RAD23B: variants seen among roughly 807,000 people sequenced by gnomAD.
RAD23B encodes RAD23 nucleotide excision repair protein B, also known as lysine-specific demethylase RAD23B.
In RAD23B, 5 loss-of-function variants were observed where a neutral mutation model predicts 49.1. That is an observed-to-expected ratio of 0.10 (90% CI 0.05 to 0.21). The LOEUF (loss-of-function observed/expected upper bound fraction) is 0.21, where lower values mean the gene tolerates loss of function less well. RAD23B is among the 10% of genes least tolerant of loss of function. The probability of loss-of-function intolerance (pLI) is 1.00; values close to 1 mark genes in which losing one functional copy is unlikely to be tolerated. For missense variants in RAD23B, 356 were observed against 486.7 expected (o/e 0.73, Z 2.53); for synonymous variants, 184 against 165.4 (o/e 1.11, Z -0.86).
At chr9:107,321,808 C>T (rs1464041657) in intron 6 of RAD23B, among the ~76,000 whole-genome samples, 175 bp from the exon 7 acceptor site, 4 of 152,182 alleles carry the variant, frequency 2.6e-5, no homozygotes, top group Admixed American at 1.3e-4. Context: ...CAGGTCATTT[C>T]TAATCTAATT....
chr9:107,324,785 A>C, intron 8 of RAD23B, 49 bp from the exon 9 acceptor site: 1 of 1,474,462 alleles, frequency 6.8e-7, no homozygotes, highest in Non-Finnish European at 9.1e-7. Flanking sequence ...GTTCCTGCAG[A>C]TACTTAATAT....
intron 3 of RAD23B, among the ~76,000 whole-genome samples, chr9:107,302,431 A>T (rs1415319134): frequency 3.3e-5 from 5 of 152,174 alleles, no homozygotes; most frequent in Non-Finnish European, 7.4e-5. Flanking sequence ...TGTCTTTATA[A>T]GTGGAATAAA....
intron 5 of RAD23B, among the ~76,000 whole-genome samples, chr9:107,313,983 C>A (rs941925665): frequency 1.3e-5 from 2 of 151,722 alleles, no homozygotes; most frequent in African/African-American, 4.8e-5. Flanking sequence ...TCCACAGTTA[C>A]TAATGACTCT....
intron 1 of RAD23B, chr9:107,283,979 A>T: frequency 1.8e-6 from 2 of 1,113,368 alleles, no homozygotes; most frequent in Non-Finnish European, 2.2e-6. Flanking sequence ...AGCTCGTGCT[A>T]GCGGGGCCGG....
chr9:107,290,086 A>C (rs1833350593), intron 1 of RAD23B, among the ~76,000 whole-genome samples: 1 of 152,190 alleles, frequency 6.6e-6, no homozygotes, highest in Admixed American at 6.5e-5. Context: ...CTGCCACAGG[A>C]TGCTTTCATA....
chr9:107,308,132 A>C (rs1826816789), intron 4 of RAD23B, among the ~76,000 whole-genome samples: 3 of 151,692 alleles, frequency 2.0e-5, no homozygotes, highest in African/African-American at 4.9e-5. Context: ...AAAAAAAAAA[A>C]GCTTACAGTG....
intron 1 of RAD23B, among the ~76,000 whole-genome samples, chr9:107,286,798 TGTG>T (rs1438015190): frequency 6.6e-6 from 1 of 152,022 alleles, no homozygotes; most frequent in East Asian, 1.9e-4. Flanking sequence ...TTAGGCTGGG[TGTG>T]GTGGCTCATG....
chr9:107,292,457 G>T (rs965139894), intron 1 of RAD23B, among the ~76,000 whole-genome samples: 11 of 152,076 alleles, frequency 7.2e-5, no homozygotes, highest in African/African-American at 2.2e-4. Context: ...GAGGTGGGCG[G>T]ATCACGAGGT....
chr9:107,301,654 C>A (rs137920738), intron 2 of RAD23B, among the ~76,000 whole-genome samples: 1,757 of 152,260 alleles, frequency 0.012, 26 homozygotes, highest in African/African-American at 0.039. Context: ...CCTCCTGCCT[C>A]AGCCTCCCAA....
At chr9:107,326,315 T>TA (rs201748139) in intron 9 of RAD23B, among the ~76,000 whole-genome samples, 8,921 of 151,622 alleles carry the variant, frequency 0.059, 377 homozygotes, top group South Asian at 0.12. Context: ...CCGTCTCTAC[T>TA]AAAAATACAA....
chr9:107,329,032 G>T (rs1391377498), intron 9 of RAD23B, among the ~76,000 whole-genome samples: 2 of 152,136 alleles, frequency 1.3e-5, no homozygotes, highest in African/African-American at 2.4e-5. Flanking sequence ...AAAGCAAGGA[G>T]ATTGAGAGTG....
intron 5 of RAD23B, among the ~76,000 whole-genome samples, chr9:107,312,414 A>G (rs1375004677): frequency 6.6e-6 from 1 of 152,196 alleles, no homozygotes; most frequent in African/African-American, 2.4e-5. Flanking sequence ...GGTGCAGTAC[A>G]GGCTTCTGGA....
At chr9:107,301,969 TG>T in intron 2 of RAD23B, 65 bp from the exon 3 acceptor site, 1 of 1,560,496 alleles carries the variant, frequency 6.4e-7, no homozygotes, top group Non-Finnish European at 8.6e-7. Flanking sequence ...AGTAGAAAGT[TG>T]TTTTAACTGA....
At chr9:107,328,480 A>T (rs1305712950) in intron 9 of RAD23B, among the ~76,000 whole-genome samples, 1 of 152,184 alleles carries the variant, frequency 6.6e-6, no homozygotes, top group African/African-American at 2.4e-5. Context: ...TTAGGCTATC[A>T]TACGGAGCAC....
intron 1 of RAD23B, among the ~76,000 whole-genome samples, chr9:107,285,949 T>G (rs1447133207): frequency 6.6e-6 from 1 of 152,180 alleles, no homozygotes; most frequent in Non-Finnish European, 1.5e-5. Context: ...AGAATTCCAG[T>G]AAGAAAATAA....
At chr9:107,302,141 C>G (rs1288955567) in intron 3 of RAD23B, 27 bp downstream of exon 3, 2 of 1,609,512 alleles carry the variant, frequency 1.2e-6, no homozygotes, top group Admixed American at 1.7e-5. Flanking sequence ...TTCTGTATAT[C>G]TTTATGCATG....
At chr9:107,313,156 C>G (rs7023656) in intron 5 of RAD23B, among the ~76,000 whole-genome samples, 1 of 152,046 alleles carries the variant, frequency 6.6e-6, no homozygotes, top group East Asian at 1.9e-4. Context: ...TGATCCATAC[C>G]TCAGGCTCTT....
At chr9:107,322,411 A>T (rs1269629891) in intron 7 of RAD23B, among the ~76,000 whole-genome samples, 1 of 152,242 alleles carries the variant, frequency 6.6e-6, no homozygotes, top group East Asian at 1.9e-4. Context: ...TTACTTTCTG[A>T]TGCCATTCAG....
intron 1 of RAD23B, among the ~76,000 whole-genome samples, chr9:107,291,317 G>T (rs1833380860): frequency 6.6e-6 from 1 of 152,118 alleles, no homozygotes; most frequent in Non-Finnish European, 1.5e-5. Context: ...TTTTGGTCTT[G>T]TTGAAATCAT....
Sources: gnomAD v4.1 joint callset for allele counts (sites outside exome capture counted in the v4.1 genomes callset) on GRCh38, gnomAD v4.1.1 for gene constraint, MANE v1.5 for transcripts, NCBI Gene and HGNC (gene_info 2026-07-23, HGNC 2026-07-21) for gene names.